Variants in ESRRG observed in about 807,000 individuals in gnomAD.
The protein encoded by ESRRG is estrogen-related receptor gamma.
ESRRG carries 13 observed loss-of-function variants against 44.0 expected under a neutral mutation model. That is an observed-to-expected ratio of 0.30 (90% CI 0.19 to 0.47). The LOEUF is 0.47. Among genes scored for constraint, ESRRG ranks in the 20% least tolerant of loss-of-function variants. The probability of loss-of-function intolerance (pLI) is 1.00; values close to 1 mark genes in which losing one functional copy is unlikely to be tolerated. For synonymous variants in ESRRG, 215 were observed against 214.6 expected, an observed-to-expected ratio of 1.00 and a Z score of -0.02; for missense variants, 395 against 580.6, an observed-to-expected ratio of 0.68 and a Z score of 3.29.
chr1:216,546,811 TTA>T (rs10535177), intron 5 of ESRRG, among the ~76,000 whole-genome samples: 5,979 of 149,168 alleles, frequency 0.04, 350 homozygotes, highest in African/African-American at 0.14. Flanking sequence ...TGCTATCTCT[TTA>T]TATATATATA....
At chr1:216,741,940 C>T (rs1432117221) in intron 2 of ESRRG, among the ~76,000 whole-genome samples, 1 of 152,008 alleles carries the variant, frequency 6.6e-6, no homozygotes, top group African/African-American at 2.4e-5. Flanking sequence ...TCATTGGTCT[C>T]TCTCCCTCTG....
intron 1 of ESRRG, among the ~76,000 whole-genome samples, chr1:216,705,453 T>C (rs2082269513): frequency 6.6e-6 from 1 of 152,192 alleles, no homozygotes; most frequent in East Asian, 1.9e-4. Context: ...AGTTGTTTTA[T>C]TTTGCTAAAT....
chr1:216,789,513 TATAAAC>T (rs2094244347), intron 2 of ESRRG, among the ~76,000 whole-genome samples: 1 of 152,190 alleles, frequency 6.6e-6, no homozygotes, highest in Admixed American at 6.5e-5. Context: ...CCAGTCTATG[TATAAAC>T]ATAATCAGTA....
chr1:216,709,415 G>A (rs141142402), intron 1 of ESRRG, among the ~76,000 whole-genome samples: 324 of 149,988 alleles, frequency 2.2e-3, no homozygotes, highest in African/African-American at 7.3e-3. Context: ...ACCTTTTCCT[G>A]GATATGGCCA....
At chr1:216,918,333 G>A (rs2061429674) in intron 2 of ESRRG, among the ~76,000 whole-genome samples, 1 of 151,976 alleles carries the variant, frequency 6.6e-6, no homozygotes, top group African/African-American at 2.4e-5. Flanking sequence ...AGCAATATGT[G>A]CCCTGCTCTC....
At position 216,935,514 on chromosome 1, in the gene ESRRG, C is replaced by T. The variant is rs7544921; in HGVS notation, c.-14+4068G>A. On this transcript the variant is annotated intron_variant, in intron 2 of 7. Coordinates refer to the ESRRG transcript ENST00000359162. ...AGGGCAAGGTATATGGGAAGGGGCA[C>T]GGGGTTTCCAAGCCCTTTCCAGGTA... Among the ~76,000 whole-genome samples, 1,036 of 152,174 alleles carry T rather than the reference C, an allele frequency of 6.8e-3. 12 individuals carry two copies. The highest frequency in any genetic ancestry group is 0.023 in the African/African-American group (973 of 41,514).
rs534419550 is a variant in ESRRG, at chr1:217,076,117, G to T, written c.-106+13390C>A. Among the ~76,000 whole-genome samples, 84 of 152,238 alleles carry T rather than the reference G, an allele frequency of 5.5e-4. No individual in the cohort carries two copies. In the South Asian group the frequency reaches 0.017, roughly 30 times the overall value. On this transcript the variant is annotated intron_variant, in intron 1 of 7. Coordinates refer to the ESRRG transcript ENST00000359162. ...CCATCTGTATGTGGAAGGAAGTATG[G>T]CTCAAGAAACCAGTTCAGGTCTGTT...
chr1:217,003,881 A>T (rs2077388776), intron 1 of ESRRG, among the ~76,000 whole-genome samples: 1 of 151,986 alleles, frequency 6.6e-6, no homozygotes, highest in Non-Finnish European at 1.5e-5. Flanking sequence ...GACCAAAAAA[A>T]TAAAAAAAAA....
chr1:216,874,132 C>T (rs2096308688), intron 2 of ESRRG, among the ~76,000 whole-genome samples: 2 of 152,044 alleles, frequency 1.3e-5, no homozygotes, highest in African/African-American at 2.4e-5. Context: ...TGGACCTCTC[C>T]CTGTCCACTT....
At chr1:216,514,743 G>C (rs10863246) in intron 6 of ESRRG, among the ~76,000 whole-genome samples, 1 of 151,938 alleles carries the variant, frequency 6.6e-6, no homozygotes, top group Middle Eastern at 3.4e-3. Context: ...AGCTTTCTTC[G>C]CATACCTGTG....
chr1:216,686,982 T>C (rs1376387773), intron 1 of ESRRG, among the ~76,000 whole-genome samples: 1 of 152,034 alleles, frequency 6.6e-6, no homozygotes, highest in Non-Finnish European at 1.5e-5. Context: ...CCATTTCCTT[T>C]GCTGCCACTG....
At chr1:216,879,028 A>T (rs1370145) in intron 2 of ESRRG, among the ~76,000 whole-genome samples, 4 of 151,782 alleles carry the variant, frequency 2.6e-5, no homozygotes, top group African/African-American at 9.7e-5. Flanking sequence ...GTGAGCATGG[A>T]GGCCAAAGAC....
intron 5 of ESRRG, among the ~76,000 whole-genome samples, chr1:216,522,518 C>A (rs1042402281): frequency 7.9e-5 from 12 of 152,052 alleles, no homozygotes; most frequent in Admixed American, 6.6e-4. Context: ...CCACTGCAAT[C>A]TGGAAGCTAG....
intron 2 of ESRRG, among the ~76,000 whole-genome samples, chr1:216,880,304 CAAAAAAAAAAA>C (rs11301281): frequency 1.4e-4 from 4 of 29,022 alleles, no homozygotes; most frequent in Admixed American, 7.0e-4. Flanking sequence ...GCCTCCCTCT[CAAAAAAAAAAA>C]AAAAAAAAAA....
At chr1:217,052,471 G>C (rs1244015624) in intron 1 of ESRRG, among the ~76,000 whole-genome samples, 1 of 152,156 alleles carries the variant, frequency 6.6e-6, no homozygotes, top group Non-Finnish European at 1.5e-5. Context: ...GTTACAGCTT[G>C]AGTAGTAACC....
chr1:216,757,283 G>A (rs931097652), intron 2 of ESRRG, among the ~76,000 whole-genome samples: 1 of 151,954 alleles, frequency 6.6e-6, no homozygotes, highest in Admixed American at 6.6e-5. Context: ...TTCCCCAGCA[G>A]TACTCTACTT....
chr1:216,641,245 T>A (rs1185603960), intron 3 of ESRRG, among the ~76,000 whole-genome samples: 1 of 152,226 alleles, frequency 6.6e-6, no homozygotes, highest in Non-Finnish European at 1.5e-5. Flanking sequence ...GTGCTGCAAC[T>A]GTTTAGTTCA....
intron 2 of ESRRG, among the ~76,000 whole-genome samples, chr1:216,834,148 C>T (rs1158636590): frequency 6.6e-6 from 1 of 152,166 alleles, no homozygotes; most frequent in African/African-American, 2.4e-5. Flanking sequence ...CTCCTGTAAT[C>T]CCAGCACTCT....
rs184175654 is a variant in ESRRG, at chr1:216,698,854, A to G, written c.57-21363T>C. On this transcript the variant is annotated intron_variant, in intron 1 of 6. Coordinates refer to ENST00000408911, the MANE Select transcript of ESRRG (RefSeq NM_001438.4). ...CCTCAGGTAACTGAGCTTTAGGAAA[A>G]ACAATCTCTTGAAAAATGGCGACTT... is the stretch of plus-strand genomic sequence containing the variant. Among the ~76,000 whole-genome samples the G allele has an allele frequency of 8.1e-3, 1,229 of 152,252 alleles. 14 individuals are homozygous for G. Among genetic ancestry groups the G allele is most frequent in the Non-Finnish European group, 0.011 (774 of 68,032 alleles).
Sources: gnomAD v4.1 joint callset for allele counts (sites outside exome capture counted in the v4.1 genomes callset) on GRCh38, gnomAD v4.1.1 for gene constraint, MANE v1.5 for transcripts, NCBI Gene and HGNC (gene_info 2026-07-23, HGNC 2026-07-21) for gene names.